Variants in GORASP1 observed in about 807,000 individuals in gnomAD.
GORASP1 encodes golgi reassembly stacking protein 1.
In GORASP1, 31 loss-of-function variants were observed where a neutral mutation model predicts 37.7. That is an observed-to-expected ratio of 0.82 (90% CI 0.62 to 1.11). The LOEUF (loss-of-function observed/expected upper bound fraction) is 1.11. Ranked by LOEUF, GORASP1 falls within the 50% of genes least tolerant of loss-of-function variation. The pLI is 0.00. For synonymous variants in GORASP1, 204 were observed against 224.8 expected (o/e 0.91, Z 0.83); for missense variants, 476 against 560.7 (o/e 0.85, Z 1.53).
chr3:39,099,219 T>G, intron 7 of GORASP1, 134 bp downstream of exon 7: 1 of 1,044,944 alleles, frequency 9.6e-7, no homozygotes, highest in Non-Finnish European at 1.5e-6. Flanking sequence ...CTAGATTGGA[T>G]GATATGCAAC....
chr3:39,104,430 G>A (rs1395450909), intron 1 of GORASP1, among the ~76,000 whole-genome samples: 1 of 152,168 alleles, frequency 6.6e-6, no homozygotes, highest in Non-Finnish European at 1.5e-5. Context: ...CTTAAACAAT[G>A]CAGGCTTTGT....
At chr3:39,104,454 AC>A (rs2035910534) in intron 1 of GORASP1, among the ~76,000 whole-genome samples, 1 of 152,116 alleles carries the variant, frequency 6.6e-6, no homozygotes, top group Admixed American at 6.5e-5. Flanking sequence ...AAGGCCCTAG[AC>A]CCGAAGATGG....
At position 39,098,705 on chromosome 3, in the gene GORASP1, C is replaced by T. The variant is rs751884697; in HGVS notation, c.1069+36G>A. 103 of 1,605,286 alleles carry T rather than the reference C, an allele frequency of 6.4e-5. No individual in the cohort carries two copies. The highest frequency in any genetic ancestry group is 8.8e-5 in the Non-Finnish European group (103 of 1,175,284). On this transcript the variant is annotated intron_variant, in intron 8 of 8. Coordinates refer to ENST00000319283, the MANE Select transcript of GORASP1 (RefSeq NM_031899.4). This position sits in a 1 kb window ranked among gnomAD's most constrained non-coding sequence, Gnocchi z 4.7. ...GCAGCCTTCCCAACAACCCGGGGTC[C>T]TTCCCAGAGGACTTCGGAAGGTGAT...
Position 39,107,557 on chromosome 3 carries a change from C to T in GORASP1, c.-16G>A. On this transcript the variant is annotated 5_prime_UTR_variant, in exon 1 of 9. Coordinates refer to ENST00000319283, the MANE Select transcript of GORASP1 (RefSeq NM_031899.4). ...CCAGGCCCATGGCAGCGGCTCCGCT[C>T]GGCACCCAGGTCCAGTCCCGCTGCG... The T allele has an allele frequency of 1.3e-6, 2 of 1,488,912 alleles. No individual in the cohort carries two copies. The highest frequency in any genetic ancestry group is 1.4e-5 in the African/African-American group (1 of 70,210). The allele number at this position is 1,488,912 out of a possible 1,614,324, so 92.2% of individuals were successfully genotyped here. A position where few individuals can be genotyped will look rare whatever the true frequency, so the allele number is the denominator to read the frequency against.
At position 39,100,619 on chromosome 3, in the gene GORASP1, G is replaced by A. The variant is rs1575455889; in HGVS notation, c.567-116C>T. ...CTGAAAAGGGTACTTCTGAAATACC[G>A]GTCAGCCTCAGGATCCCTGGGCCCA... On this transcript the variant is annotated intron_variant, in intron 5 of 8. Transcript: ENST00000319283. This position sits in a 1 kb window ranked among gnomAD's most constrained non-coding sequence, Gnocchi z 4.6. 3.4e-6 allele frequency: 5 copies of A among 1,472,876 alleles called. No individual in the cohort carries two copies. Among genetic ancestry groups the A allele is most frequent in the Middle Eastern group, 2.5e-4 (1 of 3,960 alleles). The allele number at this position is 1,472,876 out of a possible 1,614,324, so 91.2% of individuals were successfully genotyped here. A position where few individuals can be genotyped will look rare whatever the true frequency, so the allele number is the denominator to read the frequency against.
Position 39,102,753 on chromosome 3 carries a change from G to GC in GORASP1, c.272dup (p.Gly92ArgfsTer19). The GC allele has an allele frequency of 6.2e-7, 1 of 1,614,190 alleles. No homozygotes were observed. The highest frequency in any genetic ancestry group is 2.2e-5 in the East Asian group (1 of 44,882). The stretch of plus-strand genomic sequence containing the variant: ...CACTGGCACCCAGTAGGCCCTGGCC[G>GC]CCCCACATGTTGCTGGGCACCACCT... On this transcript the variant is annotated frameshift_variant, in exon 3 of 9. Coordinates refer to ENST00000319283, the MANE Select transcript of GORASP1 (RefSeq NM_031899.4). LOFTEE classifies it high-confidence loss of function. This position sits in a 1 kb window ranked among gnomAD's most constrained non-coding sequence, Gnocchi z 5.0.
In GORASP1 at chr3:39,103,946, G is replaced by A. The variant is rs1272184979; in HGVS notation, c.64-393C>T. Among the ~76,000 whole-genome samples, 1 of 152,202 alleles carries A rather than the reference G, an allele frequency of 6.6e-6. No homozygotes were observed. The highest frequency in any genetic ancestry group is 1.5e-5 in the Non-Finnish European group (1 of 68,030). On this transcript the variant is annotated intron_variant, in intron 1 of 8. Transcript: ENST00000319283. This position sits in a 1 kb window ranked among gnomAD's most constrained non-coding sequence, Gnocchi z 5.2. ...AGAAAGGTTTAGACTGGACCAGAAGGGAGGGCCCTGACGTGCAGTGGAAGT... is the reference window on the plus strand; with the variant it reads ...AGAAAGGTTTAGACTGGACCAGAAGAGAGGGCCCTGACGTGCAGTGGAAGT...
Position 39,103,009 on chromosome 3 carries a change from T to C in GORASP1, c.145-128A>G. 3.4e-6 allele frequency: 3 copies of C among 874,406 alleles called. No homozygotes were observed. Among genetic ancestry groups the C allele is most frequent in the Non-Finnish European group, 5.7e-6 (3 of 527,170 alleles). 54.2% of individuals were successfully genotyped at this position (874,406 alleles called of 1,614,324 possible). On this transcript the variant is annotated intron_variant, in intron 2 of 8. Coordinates refer to ENST00000319283, the MANE Select transcript of GORASP1 (RefSeq NM_031899.4). The surrounding 1 kb of genome is among the most constrained non-coding windows in gnomAD (Gnocchi z 5.2). Reference sequence around the variant, plus strand: ...GCCCTCAGCAGGGTCACTGTGGGGATGGGCCAAGGTAGTGGATGGGCCAGG... The same window carrying C: ...GCCCTCAGCAGGGTCACTGTGGGGACGGGCCAAGGTAGTGGATGGGCCAGG...
chr3:39,100,224 C>T lies in GORASP1; in HGVS notation c.765+81G>A. On this transcript the variant is annotated intron_variant, in intron 6 of 8. Coordinates refer to ENST00000319283, the MANE Select transcript of GORASP1 (RefSeq NM_031899.4). The surrounding 1 kb of genome is among the most constrained non-coding windows in gnomAD (Gnocchi z 4.6). ...TGGGCCTCTCAGATCACAAAGGCCC[C>T]TGGTGAGGGTTGCTGATGGCTCCCC... 3 of 1,254,336 alleles carry T rather than the reference C, an allele frequency of 2.4e-6. No individual in the cohort carries two copies. The highest frequency in any genetic ancestry group is 2.4e-5 in the South Asian group (2 of 82,032). The allele number at this position is 1,254,336 out of a possible 1,614,324, so 77.7% of individuals were successfully genotyped here.
chr3:39,098,888 G>C lies in GORASP1; in HGVS notation c.922C>G (p.Leu308Val). The change falls in exon 8 of 9, where the codon CTG becomes GTG. Residue 308 changes from leucine (L) to valine (V), a missense_variant. Transcript: ENST00000319283. The surrounding 1 kb of genome is among the most constrained non-coding windows in gnomAD (Gnocchi z 4.7). ...AAGAGAGAAATTCCCGACACGTCCA[G>C]GAAGCCTAGGGGAGGGTGGTGCAGT... is the stretch of plus-strand genomic sequence containing the variant. ...PVQRVMDPGF[L>V]DVSGISLLDN... 1 of 1,613,926 alleles carries C rather than the reference G, an allele frequency of 6.2e-7. No individual in the cohort carries two copies.
rs373729589 is a variant in GORASP1 at position 39,103,572 on chromosome 3, C to T, written c.64-19G>A. On this transcript the variant is annotated intron_variant, in intron 1 of 8. Transcript: ENST00000319283. The surrounding 1 kb of genome is among the most constrained non-coding windows in gnomAD (Gnocchi z 5.2). ...CCTGCACCTATCCCACAGCAAAGAC[C>T]ACAGTCACTGCGCCAACCCTGGGAC... The T allele has an allele frequency of 2.9e-5, 46 of 1,599,554 alleles. No homozygotes were observed. Among genetic ancestry groups the T allele is most frequent in the South Asian group, 7.8e-5 (7 of 89,758 alleles).
intron 1 of GORASP1, chr3:39,107,219 A>T (rs913362941): frequency 3.2e-5 from 17 of 536,114 alleles, no homozygotes; most frequent in Middle Eastern, 5.5e-4. Context: ...CGGACCAGGA[A>T]AACGCTCCGC....
chr3:39,101,647 A>T, intron 3 of GORASP1: 1 of 441,820 alleles, frequency 2.3e-6, no homozygotes, highest in Non-Finnish European at 4.6e-6. Context: ...AAGTTCCACC[A>T]CTCCCAATCT....
At chr3:39,099,593 C>T (rs1056216257) in intron 6 of GORASP1, 90 bp from the exon 7 acceptor site, 11 of 1,328,402 alleles carry the variant, frequency 8.3e-6, no homozygotes, top group East Asian at 7.3e-5. Context: ...CCAGTCCCCA[C>T]TTGTCCCAGG....
In GORASP1 at chr3:39,103,967, G is replaced by C. The variant is rs538384484; in HGVS notation, c.64-414C>G. Among the ~76,000 whole-genome samples the C allele has an allele frequency of 3.3e-5, 5 of 152,332 alleles. No individual in the cohort carries two copies. Among genetic ancestry groups the C allele is most frequent in the Admixed American group, 3.3e-4 (5 of 15,308 alleles). ...GAAGGGAGGGCCCTGACGTGCAGTG[G>C]AAGTGGGCAGGCCTCGGGAGGGATA... On this transcript the variant is annotated intron_variant, in intron 1 of 8. Coordinates refer to ENST00000319283, the MANE Select transcript of GORASP1 (RefSeq NM_031899.4). The surrounding 1 kb of genome is among the most constrained non-coding windows in gnomAD (Gnocchi z 5.2).
intron 1 of GORASP1, among the ~76,000 whole-genome samples, chr3:39,104,692 G>T (rs2035927361): frequency 6.6e-6 from 1 of 152,194 alleles, no homozygotes; most frequent in Non-Finnish European, 1.5e-5. Flanking sequence ...AGGCCAGTTT[G>T]CCCCTGGAAT....
At position 39,099,450 on chromosome 3, in the gene GORASP1, C is replaced by A; in HGVS notation, c.819G>T (p.Gly273=). The part of the protein sequence containing the change: ...SSMEDPLPGP[G]SPSHSAPDPD... ...GGTCTGGAGCACTGTGGCTGGGACTCCCAGGCCCAGGAAGGGGATCCTCCA... is the reference window on the plus strand; with the variant it reads ...GGTCTGGAGCACTGTGGCTGGGACTACCAGGCCCAGGAAGGGGATCCTCCA... The change falls in exon 7 of 9, where the codon GGG becomes GGT. Residue 273 remains glycine (G), a synonymous_variant. Transcript: ENST00000319283. 6.2e-7 allele frequency: 1 copy of A among 1,611,384 alleles called. No homozygotes were observed. The highest frequency in any genetic ancestry group is 8.5e-7 in the Non-Finnish European group (1 of 1,178,914).
Position 39,098,932 on chromosome 3 carries a change from C to A in GORASP1, c.917-39G>T. On this transcript the variant is annotated intron_variant, in intron 7 of 8. Coordinates refer to ENST00000319283, the MANE Select transcript of GORASP1 (RefSeq NM_031899.4). This position sits in a 1 kb window ranked among gnomAD's most constrained non-coding sequence, Gnocchi z 4.7. Reference sequence around the variant, plus strand: ...GTGCAGTTCTTTGCCAGCAAGAAACCCTGACTGCTGGAAAGCAGCACCCTG... The same window carrying A: ...GTGCAGTTCTTTGCCAGCAAGAAACACTGACTGCTGGAAAGCAGCACCCTG... 1 of 1,610,290 alleles carries A rather than the reference C, an allele frequency of 6.2e-7. No homozygotes were observed. Among genetic ancestry groups the A allele is most frequent in the Non-Finnish European group, 8.5e-7 (1 of 1,178,132 alleles).
rs1179537959 is a variant in GORASP1 at position 39,107,579 on chromosome 3, T to C, written c.-38A>G. On this transcript the variant is annotated 5_prime_UTR_variant, in exon 1 of 9. Transcript: ENST00000319283. Reference sequence around the variant, plus strand: ...GCTCGGCACCCAGGTCCAGTCCCGCTGCGCCTACCCGGACCGACCCGACGC... The same window carrying C: ...GCTCGGCACCCAGGTCCAGTCCCGCCGCGCCTACCCGGACCGACCCGACGC... 4 of 1,483,144 alleles carry C rather than the reference T, an allele frequency of 2.7e-6. No homozygotes were observed. The highest frequency in any genetic ancestry group is 1.8e-4 in the Middle Eastern group (1 of 5,656). 91.9% of individuals were successfully genotyped at this position (1,483,144 alleles called of 1,614,324 possible).
Sources: allele counts gnomAD v4.1 joint callset (sites outside exome capture counted in the v4.1 genomes callset), GRCh38; gene constraint gnomAD v4.1.1; non-coding constraint Gnocchi (gnomAD v3.1); transcripts MANE v1.5; gene names NCBI Gene and HGNC (gene_info 2026-07-23, HGNC 2026-07-21).